RGS5: variants seen among roughly 807,000 people sequenced by gnomAD.
The protein encoded by RGS5 is regulator of G protein signaling 5, also known as regulator of G-protein signalling 5.
A neutral mutation model predicts 18.9 loss-of-function variants in RGS5; 20 were observed. That is an observed-to-expected ratio of 1.06 (90% confidence interval 0.74 to 1.54). The LOEUF (loss-of-function observed/expected upper bound fraction) is 1.54. Ranked by LOEUF, RGS5 falls within the 40% of genes most tolerant of loss-of-function variation. RGS5 has a pLI of 0.00. For synonymous variants in RGS5, 57 were observed against 76.2 expected, an observed-to-expected ratio of 0.75 and a Z score of 1.31; for missense variants, 201 against 211.8, an observed-to-expected ratio of 0.95 and a Z score of 0.32.
chr1:163,240,587 G>C (rs1647763258), intron 2 of RGS5, among the ~76,000 whole-genome samples: 2 of 152,154 alleles, frequency 1.3e-5, no homozygotes, highest in Admixed American at 1.3e-4. Context: ...TGTGATCACA[G>C]CTCACTGCAG....
At chr1:163,281,521 T>C (rs6679239) in intron 2 of RGS5, among the ~76,000 whole-genome samples, 45,951 of 151,694 alleles carry the variant, frequency 0.3, 7,005 homozygotes, top group Non-Finnish European at 0.32. Flanking sequence ...TGTAAACTAA[T>C]GCAAGAACTC....
chr1:163,255,539 G>A (rs35410029), intron 2 of RGS5, among the ~76,000 whole-genome samples: 29,262 of 150,894 alleles, frequency 0.19, 3,227 homozygotes, highest in Non-Finnish European at 0.25. Context: ...GGTACAAGGA[G>A]GAACTGGTAC....
At chr1:163,259,365 C>T (rs1057323975) in intron 2 of RGS5, among the ~76,000 whole-genome samples, 2 of 151,100 alleles carry the variant, frequency 1.3e-5, no homozygotes, top group Non-Finnish European at 2.9e-5. Context: ...GGGGTTTCAC[C>T]GTGTTAGCCG....
intron 2 of RGS5, among the ~76,000 whole-genome samples, chr1:163,284,404 G>A (rs1485585035): frequency 3.3e-5 from 5 of 152,140 alleles, no homozygotes; most frequent in Non-Finnish European, 5.9e-5. Flanking sequence ...TTATTTAGAT[G>A]TGCATTTTAA....
chr1:163,315,238 A>G (rs146859808), intron 1 of RGS5, among the ~76,000 whole-genome samples: 1 of 152,306 alleles, frequency 6.6e-6, no homozygotes, highest in Non-Finnish European at 1.5e-5. Context: ...TTGTAATACT[A>G]ATATTGAAAA....
intron 1 of RGS5, among the ~76,000 whole-genome samples, chr1:163,315,437 TTAAGAA>T (rs1165847175): frequency 3.3e-5 from 5 of 152,114 alleles, no homozygotes; most frequent in African/African-American, 1.2e-4. Flanking sequence ...CCAAAAAATT[TTAAGAA>T]TATCTAATTT....
intron 3 of RGS5, among the ~76,000 whole-genome samples, chr1:163,153,840 A>ATG (rs1332646448): frequency 1.3e-5 from 2 of 151,826 alleles, no homozygotes; most frequent in Non-Finnish European, 2.9e-5. Flanking sequence ...ATATATATAT[A>ATG]TAAACCAAAA....
chr1:163,228,247 T>C (rs1030584545), intron 2 of RGS5, among the ~76,000 whole-genome samples: 1 of 152,240 alleles, frequency 6.6e-6, no homozygotes, highest in Non-Finnish European at 1.5e-5. Context: ...TGCAGCAGAC[T>C]TCTGCCTGTA....
At chr1:163,254,483 CT>C (rs1648214334) in intron 2 of RGS5, among the ~76,000 whole-genome samples, 1 of 146,430 alleles carries the variant, frequency 6.8e-6, no homozygotes, top group Admixed American at 6.8e-5. Context: ...CCTTCGCCCA[CT>C]TTTTGATGGG....
At chr1:163,166,621 A>G (rs979610707) in intron 2 of RGS5, among the ~76,000 whole-genome samples, 1 of 152,194 alleles carries the variant, frequency 6.6e-6, no homozygotes, top group Admixed American at 6.5e-5. Flanking sequence ...GTCACTGTTG[A>G]AAATGCAATA....
At chr1:163,269,924 G>A (rs1212540534) in intron 2 of RGS5, among the ~76,000 whole-genome samples, 1 of 152,042 alleles carries the variant, frequency 6.6e-6, no homozygotes, top group East Asian at 1.9e-4. Flanking sequence ...AACTGGAAAG[G>A]CAGACATAAA....
chr1:163,260,436 A>C (rs1466926811), intron 2 of RGS5: 1 of 152,192 alleles, frequency 6.6e-6, no homozygotes, highest in Non-Finnish European at 1.5e-5. Context: ...AATATCATGG[A>C]TTCAAAATTA....
chr1:163,313,615 T>C (rs1370121594), intron 1 of RGS5, among the ~76,000 whole-genome samples: 1 of 152,158 alleles, frequency 6.6e-6, no homozygotes, highest in Non-Finnish European at 1.5e-5. Context: ...CATAATCCCT[T>C]GAACAACAAA....
chr1:163,288,252 A>G (rs1056485673), intron 2 of RGS5, among the ~76,000 whole-genome samples: 6 of 152,174 alleles, frequency 3.9e-5, no homozygotes, highest in Admixed American at 1.3e-4. Context: ...TTAAACAAAA[A>G]GATATAATAA....
At chr1:163,285,588 A>T (rs573127152) in intron 2 of RGS5, among the ~76,000 whole-genome samples, 68 of 152,186 alleles carry the variant, frequency 4.5e-4, no homozygotes, top group East Asian at 1.9e-3. Context: ...TATATATATA[A>T]AAATATATAA....
At chr1:163,184,445 A>G (rs2102419546) in intron 1 of RGS5, among the ~76,000 whole-genome samples, 1 of 152,152 alleles carries the variant, frequency 6.6e-6, no homozygotes. Flanking sequence ...TAAATGAAAA[A>G]GTATCTAGGT....
chr1:163,314,566 A>C (rs187490890), intron 1 of RGS5, among the ~76,000 whole-genome samples: 208 of 152,150 alleles, frequency 1.4e-3, no homozygotes, highest in Middle Eastern at 0.01. Flanking sequence ...ACAACAACAA[A>C]AAAAACCTAC....
chr1:163,273,636 G>A (rs1448649322), intron 2 of RGS5, among the ~76,000 whole-genome samples: 1 of 151,876 alleles, frequency 6.6e-6, no homozygotes, highest in Admixed American at 6.6e-5. Flanking sequence ...TAGTTTCTTT[G>A]AAGACTTTTT....
At chr1:163,211,252 G>A (rs748993760) in intron 1 of RGS5, 7 of 152,090 alleles carry the variant, frequency 4.6e-5, no homozygotes, top group Non-Finnish European at 7.4e-5. Flanking sequence ...GAAATGGTAC[G>A]TTAACTTAAG....
Sources: allele counts gnomAD v4.1 joint callset (sites outside exome capture counted in the v4.1 genomes callset), GRCh38; gene constraint gnomAD v4.1.1; transcripts MANE v1.5; gene names NCBI Gene and HGNC (gene_info 2026-07-23, HGNC 2026-07-21).